TBC1D22A: variants seen among roughly 807,000 people sequenced by gnomAD.
The protein encoded by TBC1D22A is putative GTPase activator.
In TBC1D22A, 38 loss-of-function variants were observed where a neutral mutation model predicts 60.2. That is an observed-to-expected ratio of 0.63 (90% CI 0.49 to 0.83). The LOEUF is 0.83. TBC1D22A is among the 40% of genes least tolerant of loss of function. TBC1D22A has a pLI of 0.00. For missense variants in TBC1D22A, 628 were observed against 701.0 expected (o/e 0.90, Z 1.18); for synonymous variants, 302 against 281.7 (o/e 1.07, Z -0.72).
chr22:46,878,604 C>A (rs374680577), intron 4 of TBC1D22A, 49 bp from the exon 5 acceptor site: 5 of 1,582,392 alleles, frequency 3.2e-6, no homozygotes, highest in Non-Finnish European at 4.3e-6. Flanking sequence ...GGGAGGTTTG[C>A]TAACCTTTTG....
intron 9 of TBC1D22A, among the ~76,000 whole-genome samples, chr22:46,989,351 C>CAA (rs58999089): frequency 1.2e-4 from 18 of 145,716 alleles, no homozygotes; most frequent in African/African-American, 4.0e-4. Flanking sequence ...GGCTGTTTGG[C>CAA]AAAAAAAAAA....
intron 10 of TBC1D22A, among the ~76,000 whole-genome samples, chr22:47,025,091 A>G (rs549877202): frequency 1.7e-4 from 26 of 152,352 alleles, no homozygotes; most frequent in African/African-American, 4.3e-4. Flanking sequence ...TATGCGTCCA[A>G]TAAGACTGTA....
chr22:46,861,914 C>G (rs1269893838), intron 4 of TBC1D22A, among the ~76,000 whole-genome samples: 1 of 152,246 alleles, frequency 6.6e-6, no homozygotes, highest in Non-Finnish European at 1.5e-5. Flanking sequence ...AGGCACAGAG[C>G]ACAGTCCCTG....
At chr22:47,101,153 T>C (rs1472898389) in intron 11 of TBC1D22A, among the ~76,000 whole-genome samples, 1 of 152,208 alleles carries the variant, frequency 6.6e-6, no homozygotes, top group African/African-American at 2.4e-5. Flanking sequence ...ATTGAAGTGA[T>C]CTGAAATAAA....
At position 46,852,344 on chromosome 22, in the gene TBC1D22A, G is replaced by C. The variant is rs996195827; in HGVS notation, c.638-26309G>C. ...CCTCTTCCAGAACCCCAGGGTGGCG[G>C]CTGCTGCTGCGTGTGCCCCCCTGTC... is the stretch of plus-strand genomic sequence containing the variant. On this transcript the variant is annotated intron_variant, in intron 4 of 12. Coordinates refer to ENST00000337137, the MANE Select transcript of TBC1D22A (RefSeq NM_014346.5). Among the ~76,000 whole-genome samples, 7 of 151,852 alleles carry C rather than the reference G, an allele frequency of 4.6e-5. No individual in the cohort carries two copies. In the South Asian group the frequency reaches 1.4e-3, roughly 31 times the overall value.
chr22:46,981,873 A>G (rs995532446), intron 9 of TBC1D22A, among the ~76,000 whole-genome samples: 3 of 152,244 alleles, frequency 2.0e-5, no homozygotes, highest in Non-Finnish European at 4.4e-5. Context: ...GCAAATGGAC[A>G]TACCTAGACC....
At chr22:46,894,969 C>A in intron 7 of TBC1D22A, 123 bp downstream of exon 7, 2 of 946,638 alleles carry the variant, frequency 2.1e-6, no homozygotes, top group Non-Finnish European at 3.4e-6. Context: ...TGGTGAGCTG[C>A]CGGTGCATCT....
intron 12 of TBC1D22A, among the ~76,000 whole-genome samples, chr22:47,154,903 C>T (rs866999771): frequency 1.3e-5 from 2 of 152,240 alleles, no homozygotes; most frequent in African/African-American, 4.8e-5. Context: ...TGTAGATAAG[C>T]ACCTGACTGA....
intron 11 of TBC1D22A, among the ~76,000 whole-genome samples, chr22:47,096,494 T>G (rs2147644705): frequency 6.6e-6 from 1 of 152,342 alleles, no homozygotes. Context: ...AAGTTTAAAA[T>G]TTGGGGGTAG....
chr22:46,769,495 A>C (rs2083413687), intron 1 of TBC1D22A, among the ~76,000 whole-genome samples: 1 of 152,216 alleles, frequency 6.6e-6, no homozygotes, highest in Non-Finnish European at 1.5e-5. Flanking sequence ...CTGGCAGAGT[A>C]GCAAGGCCCT....
intron 8 of TBC1D22A, among the ~76,000 whole-genome samples, chr22:46,955,501 G>A (rs1015597209): frequency 1.3e-5 from 2 of 152,088 alleles, no homozygotes; most frequent in Non-Finnish European, 2.9e-5. Context: ...ACCTTGACAC[G>A]TTTTCGTTTG....
chr22:46,947,073 C>A (rs1303210714), intron 8 of TBC1D22A, among the ~76,000 whole-genome samples: 1 of 152,182 alleles, frequency 6.6e-6, no homozygotes, highest in Non-Finnish European at 1.5e-5. Context: ...CAGGCCCAGC[C>A]TCCCCAGGCC....
chr22:46,905,473 C>G (rs1414145189), intron 7 of TBC1D22A, among the ~76,000 whole-genome samples: 3 of 152,228 alleles, frequency 2.0e-5, no homozygotes, highest in Non-Finnish European at 4.4e-5. Context: ...TGATTTGGGT[C>G]CGTGCAGGGT....
intron 4 of TBC1D22A, among the ~76,000 whole-genome samples, chr22:46,856,317 A>G (rs571315383): frequency 3.3e-5 from 5 of 152,350 alleles, no homozygotes; most frequent in Non-Finnish European, 2.9e-5. Context: ...CTGTTAAGAA[A>G]TGGAGTAACC....
chr22:46,952,315 C>G (rs1039034186), intron 8 of TBC1D22A, among the ~76,000 whole-genome samples: 1 of 151,912 alleles, frequency 6.6e-6, no homozygotes, highest in African/African-American at 2.4e-5. Flanking sequence ...CCTCCTCTGC[C>G]TGGGCTGTTG....
rs1259763914 is a variant in TBC1D22A, at chr22:47,009,576, T to TCATCAC, written c.1201+11879_1201+11884dup. Among the ~76,000 whole-genome samples the TCATCAC allele has an allele frequency of 6.6e-6, 1 of 151,752 alleles. No individual in the cohort carries two copies. Among genetic ancestry groups the TCATCAC allele is most frequent in the Non-Finnish European group, 1.5e-5 (1 of 67,934 alleles). ...CATCATTACGTCATCACCAGCATCA[T>TCATCAC]CATCACCATCACCATCATTCTGTCA... On this transcript the variant is annotated intron_variant, in intron 10 of 12. Transcript: ENST00000337137. This position sits in a 1 kb window ranked among gnomAD's most constrained non-coding sequence, Gnocchi z 5.8.
intron 7 of TBC1D22A, among the ~76,000 whole-genome samples, chr22:46,904,109 A>ATCTGTCTATCTGTCTGTCTG (rs1176935651): frequency 1.5e-5 from 1 of 65,616 alleles, no homozygotes; most frequent in African/African-American, 6.5e-5. Context: ...CTATCTATCT[A>ATCTGTCTATCTGTCTGTCTG]TCTATCTATC....
At chr22:47,091,146 G>A (rs1266857706) in intron 11 of TBC1D22A, among the ~76,000 whole-genome samples, 1 of 138,290 alleles carries the variant, frequency 7.2e-6, no homozygotes, top group African/African-American at 2.7e-5. Context: ...GTGACTGCTT[G>A]TTGATAGAGA....
At chr22:46,791,596 A>C (rs1042402967) in intron 1 of TBC1D22A, among the ~76,000 whole-genome samples, 8 of 151,858 alleles carry the variant, frequency 5.3e-5, no homozygotes, top group Non-Finnish European at 8.8e-5. Context: ...TATGAAAAAT[A>C]AATGTGTGTC....
Sources: allele counts gnomAD v4.1 joint callset (sites outside exome capture counted in the v4.1 genomes callset), GRCh38; gene constraint gnomAD v4.1.1; non-coding constraint Gnocchi (gnomAD v3.1); transcripts MANE v1.5; gene names NCBI Gene and HGNC (gene_info 2026-07-23, HGNC 2026-07-21).